Variants in LRRC7 observed in about 807,000 individuals in gnomAD.
LRRC7 encodes the protein leucine rich repeat containing 7, also known as leucine-rich repeat-containing protein 7.
A neutral mutation model predicts 175.7 loss-of-function variants in LRRC7; 23 were observed. The observed-to-expected ratio is 0.13, with a 90% CI of 0.09 to 0.19. The LOEUF (loss-of-function observed/expected upper bound fraction) is 0.19. LRRC7 is among the 10% of genes least tolerant of loss of function. LRRC7 has a pLI of 1.00. For missense variants in LRRC7, 1,354 were observed against 1,904.7 expected (o/e 0.71, Z 5.38); for synonymous variants, 685 against 680.9 (o/e 1.01, Z -0.09).
chr1:70,087,294 T>G (rs918173172), intron 24 of LRRC7, among the ~76,000 whole-genome samples: 8 of 152,212 alleles, frequency 5.3e-5, no homozygotes, highest in African/African-American at 1.9e-4. Flanking sequence ...TACATTTGTT[T>G]CCTTTGAGTT....
Position 69,982,272 on chromosome 1 carries a change from T to TATA in LRRC7, c.786+1819_786+1820insATA, listed in dbSNP as rs1333889193. On this transcript the variant is annotated intron_variant, in intron 9 of 26. Coordinates refer to ENST00000651989, the MANE Select transcript of LRRC7 (RefSeq NM_001370785.2). ...CTTTATATAGATTCCTTACTTTATTTTGTATACTTGCACTTGGTAATTTGT... is the reference window on the plus strand; with the variant it reads ...CTTTATATAGATTCCTTACTTTATTTATATGTATACTTGCACTTGGTAATTTGT... 3.3e-5 allele frequency among the ~76,000 whole-genome samples: 5 copies of TATA among 152,228 alleles called. No homozygotes were observed. The South Asian group carries it at 8.3e-4, about 25-fold the overall frequency.
In LRRC7 at chr1:70,125,568, G is replaced by A. The variant is rs113510057; in HGVS notation, c.*3681G>A. Among the ~76,000 whole-genome samples, 3,306 of 152,100 alleles carry A rather than the reference G, an allele frequency of 0.022. 118 individuals are homozygous for A. The highest frequency in any genetic ancestry group is 0.073 in the African/African-American group (3,027 of 41,488). ...AGCACTTTGGGAGGCCGAGGCGGGC[G>A]GATCACGAGGTCAGGAGATCGAGAC... On this transcript the variant is annotated 3_prime_UTR_variant, in exon 27 of 27. Transcript: ENST00000651989.
intron 8 of LRRC7, among the ~76,000 whole-genome samples, chr1:69,947,158 G>A (rs972009516): frequency 6.7e-6 from 1 of 149,806 alleles, no homozygotes; most frequent in African/African-American, 2.5e-5. Context: ...TAAATCTAAA[G>A]TGAATCTCTT....
intron 22 of LRRC7, among the ~76,000 whole-genome samples, chr1:70,052,398 T>G (rs1660818043): frequency 6.6e-6 from 1 of 152,020 alleles, no homozygotes; most frequent in South Asian, 2.1e-4. Flanking sequence ...ATAAATAAAT[T>G]TGGTAATCAA....
rs1440105413 is a variant in LRRC7, at chr1:70,121,775, T to C, written c.4621-5T>C. Reference sequence around the variant, plus strand: ...GATTGCCCTGTTTTATTTGTGTATTTACAGGCAAATGGACACAGTTTTGTA... The same window carrying C: ...GATTGCCCTGTTTTATTTGTGTATTCACAGGCAAATGGACACAGTTTTGTA... On this transcript the variant is annotated splice_polypyrimidine_tract_variant and splice_region_variant and intron_variant, in intron 26 of 26. Transcript: ENST00000651989. 1.9e-6 allele frequency: 3 copies of C among 1,584,682 alleles called. No individual in the cohort carries two copies. The South Asian group carries it at 3.3e-5, about 18-fold the overall frequency.
intron 1 of LRRC7, among the ~76,000 whole-genome samples, chr1:69,617,033 G>A (rs1436033994): frequency 6.6e-6 from 1 of 152,038 alleles, no homozygotes; most frequent in Non-Finnish European, 1.5e-5. Context: ...TTTAATTTTT[G>A]TAACGTATTT....
chr1:69,686,462 A>G (rs1661154708), intron 2 of LRRC7, among the ~76,000 whole-genome samples: 1 of 152,194 alleles, frequency 6.6e-6, no homozygotes, highest in Non-Finnish European at 1.5e-5. Context: ...TAAAAAGTGG[A>G]AAGGGTAAAG....
At chr1:69,938,954 C>G (rs1457063705) in intron 8 of LRRC7, among the ~76,000 whole-genome samples, 1 of 144,910 alleles carries the variant, frequency 6.9e-6, no homozygotes, top group Non-Finnish European at 1.5e-5. Context: ...CTAATTTACT[C>G]CTTCATTTTT....
intron 1 of LRRC7, among the ~76,000 whole-genome samples, chr1:69,667,311 A>G (rs764956482): frequency 6.6e-6 from 1 of 152,250 alleles, no homozygotes; most frequent in South Asian, 2.1e-4. Flanking sequence ...GTAAATATCT[A>G]TTAGGTCAAT....
chr1:69,987,583 C>G (rs1398399080), intron 10 of LRRC7, among the ~76,000 whole-genome samples: 1 of 152,164 alleles, frequency 6.6e-6, no homozygotes, highest in Non-Finnish European at 1.5e-5. Flanking sequence ...TTTTCTGTTT[C>G]CCTTTTCACT....
chr1:69,981,760 G>A (rs923576215), intron 9 of LRRC7, among the ~76,000 whole-genome samples: 8 of 152,160 alleles, frequency 5.3e-5, no homozygotes, highest in Non-Finnish European at 1.2e-4. Flanking sequence ...ATATATGCCA[G>A]CTAAAAGTTT....
rs1473988413 is a variant in LRRC7 at position 69,717,961 on chromosome 1, AAAAGAAAGAAAGAG to A, written c.100+39493_100+39506del. On this transcript the variant is annotated intron_variant, in intron 2 of 26. Coordinates refer to ENST00000651989, the MANE Select transcript of LRRC7 (RefSeq NM_001370785.2). ...GAAAGAAAGAAAGAAAGAAAGAAGA[AAAAGAAAGAAAGAG>A]AAAGAAAGAGGAGGGAGAGAAAGAA... Among the ~76,000 whole-genome samples the A allele has an allele frequency of 7.6e-5, 4 of 52,970 alleles. 1 individual carries two copies. The highest frequency in any genetic ancestry group is 6.6e-4 in the African/African-American group (4 of 6,092). 34.8% of individuals were successfully genotyped at this position (52,970 alleles called of 152,430 possible).
intron 11 of LRRC7, among the ~76,000 whole-genome samples, chr1:70,011,214 G>A (rs1483367400): frequency 6.6e-6 from 1 of 152,136 alleles, no homozygotes; most frequent in Admixed American, 6.6e-5. Flanking sequence ...AATTCCCAGA[G>A]TTGTTATTTT....
At chr1:69,622,336 C>T (rs1331432988) in intron 1 of LRRC7, among the ~76,000 whole-genome samples, 1 of 152,164 alleles carries the variant, frequency 6.6e-6, no homozygotes, top group African/African-American at 2.4e-5. Flanking sequence ...CCACAAATGA[C>T]TTTGTCTACT....
In LRRC7 at chr1:70,131,703, G is replaced by T. The variant is rs1028857363; in HGVS notation, c.*9816G>T. Among the ~76,000 whole-genome samples the T allele has an allele frequency of 5.3e-5, 8 of 152,134 alleles. No homozygotes were observed. The highest frequency in any genetic ancestry group is 1.9e-4 in the African/African-American group (8 of 41,416). ...TATCTTGAAGGAAACAGCCACCATTGCTGTCTTTGATAGCATGATGCCTCA... is the reference window on the plus strand; with the variant it reads ...TATCTTGAAGGAAACAGCCACCATTTCTGTCTTTGATAGCATGATGCCTCA... On this transcript the variant is annotated 3_prime_UTR_variant, in exon 27 of 27. Transcript: ENST00000651989.
At chr1:70,075,938 T>G (rs1040277226) in intron 23 of LRRC7, 139 bp from the exon 24 acceptor site, 24 of 804,368 alleles carry the variant, frequency 3.0e-5, no homozygotes, top group Middle Eastern at 3.7e-4. Flanking sequence ...CCTTACTGTT[T>G]CTTCATTATC....
chr1:69,876,355 A>G (rs1334410489), intron 7 of LRRC7, among the ~76,000 whole-genome samples: 3 of 152,192 alleles, frequency 2.0e-5, no homozygotes, highest in Non-Finnish European at 2.9e-5. Flanking sequence ...TGTTAGGCAT[A>G]GTCAGTTTTA....
chr1:70,124,915 A>G lies in LRRC7; in HGVS notation c.*3028A>G, dbSNP rs1256703483. Among the ~76,000 whole-genome samples, 4 of 152,252 alleles carry G rather than the reference A, an allele frequency of 2.6e-5. No homozygotes were observed. The highest frequency in any genetic ancestry group is 4.4e-5 in the Non-Finnish European group (3 of 68,044). On this transcript the variant is annotated 3_prime_UTR_variant, in exon 27 of 27. Coordinates refer to ENST00000651989, the MANE Select transcript of LRRC7 (RefSeq NM_001370785.2). Reference sequence around the variant, plus strand: ...GATCTAATGGAGGAGACTGAGAAACATTAGAGGTAGAAAGAGCAAGTGATG... The same window carrying G: ...GATCTAATGGAGGAGACTGAGAAACGTTAGAGGTAGAAAGAGCAAGTGATG...
intron 2 of LRRC7, 63 bp from the exon 3 acceptor site, chr1:69,760,128 A>G (rs965836320): frequency 2.0e-6 from 3 of 1,538,384 alleles, no homozygotes; most frequent in African/African-American, 2.8e-5. Flanking sequence ...AAATATTACA[A>G]GAATGCCTTC....
Sources: allele counts gnomAD v4.1 joint callset (sites outside exome capture counted in the v4.1 genomes callset), GRCh38; gene constraint gnomAD v4.1.1; transcripts MANE v1.5; gene names NCBI Gene and HGNC (gene_info 2026-07-23, HGNC 2026-07-21).